Variants in SGCZ observed in about 807,000 individuals in gnomAD.
The protein encoded by SGCZ is sarcoglycan zeta.
SGCZ carries 40 observed loss-of-function variants against 41.3 expected under a neutral mutation model. The observed-to-expected ratio is 0.97, with a 90% confidence interval of 0.75 to 1.26. The LOEUF is 1.26. SGCZ is among the 50% of genes most tolerant of loss of function. The pLI, the probability that SGCZ is intolerant of heterozygous loss-of-function variation, is 0.00. For missense variants in SGCZ, 552 were observed against 369.8 expected (o/e 1.49, Z -4.04); for synonymous variants, 206 against 137.5 (o/e 1.50, Z -3.49).
At chr8:14,658,369 G>GT (rs1004654555) in intron 1 of SGCZ, among the ~76,000 whole-genome samples, 5 of 152,132 alleles carry the variant, frequency 3.3e-5, no homozygotes, top group Admixed American at 2.6e-4. Flanking sequence ...CCCTTTCATA[G>GT]TTTTTTCAGC....
intron 1 of SGCZ, among the ~76,000 whole-genome samples, chr8:14,996,149 C>T (rs1802210157): frequency 6.6e-6 from 1 of 152,126 alleles, no homozygotes; most frequent in Non-Finnish European, 1.5e-5. Context: ...GTGATCTGCC[C>T]ACCTCAACCT....
At chr8:14,569,705 G>A (rs1804492369) in intron 1 of SGCZ, among the ~76,000 whole-genome samples, 1 of 152,158 alleles carries the variant, frequency 6.6e-6, no homozygotes, top group Admixed American at 6.5e-5. Context: ...AAAAATAAGT[G>A]TTATAATTTA....
At chr8:14,674,928 G>GTTTTTTTTT (rs201881681) in intron 1 of SGCZ, among the ~76,000 whole-genome samples, 5 of 71,010 alleles carry the variant, frequency 7.0e-5, no homozygotes, top group Admixed American at 4.1e-4. Flanking sequence ...TTTCTTTTCT[G>GTTTTTTTTT]TTTTTTTTTT....
intron 1 of SGCZ, among the ~76,000 whole-genome samples, chr8:15,007,587 G>C (rs116959584): frequency 0.014 from 2,064 of 152,292 alleles, 16 homozygotes; most frequent in Non-Finnish European, 0.022. Flanking sequence ...CCGTAAAATG[G>C]AGATTCATGT....
intron 1 of SGCZ, among the ~76,000 whole-genome samples, chr8:14,892,862 T>C (rs991177152): frequency 4.6e-5 from 7 of 152,170 alleles, no homozygotes; most frequent in African/African-American, 1.7e-4. Flanking sequence ...CATCCAAATC[T>C]ATCATTCTAT....
Position 14,886,036 on chromosome 8 carries a change from A to AT in SGCZ, c.40-331111_40-331110insA, listed in dbSNP as rs1563339267. Among the ~76,000 whole-genome samples, 6 of 75,306 alleles carry AT rather than the reference A, an allele frequency of 8.0e-5. No individual in the cohort carries two copies. In the East Asian group the frequency reaches 1.8e-3, roughly 23 times the overall value. 49.4% of individuals were successfully genotyped at this position (75,306 alleles called of 152,430 possible). ...ATATATATATATATATATATATATA[A>AT]AATTGTATACTTAGCTTTTTCACTT... On this transcript the variant is annotated intron_variant, in intron 1 of 7. Coordinates refer to ENST00000382080, the MANE Select transcript of SGCZ (RefSeq NM_139167.4).
chr8:14,529,183 C>T (rs1193001129), intron 2 of SGCZ, among the ~76,000 whole-genome samples: 2 of 152,108 alleles, frequency 1.3e-5, no homozygotes, highest in East Asian at 1.9e-4. Flanking sequence ...GTCATAAGTA[C>T]TTGCATGATT....
intron 1 of SGCZ, among the ~76,000 whole-genome samples, chr8:14,581,561 G>A (rs558198612): frequency 1.4e-3 from 220 of 151,994 alleles, no homozygotes; most frequent in African/African-American, 5.1e-3. Context: ...TAAACACCTG[G>A]GAATGGCATA....
intron 1 of SGCZ, among the ~76,000 whole-genome samples, chr8:14,971,264 TG>T (rs1490990284): frequency 1.3e-5 from 2 of 152,202 alleles, no homozygotes; most frequent in East Asian, 3.9e-4. Context: ...TATTTCATTT[TG>T]TTTTTTTGCC....
chr8:14,515,094 C>G (rs949307097), intron 2 of SGCZ, among the ~76,000 whole-genome samples: 1 of 151,990 alleles, frequency 6.6e-6, no homozygotes, highest in Admixed American at 6.6e-5. Context: ...GGCCTTTCCT[C>G]ATCCCTCCTT....
At chr8:14,516,303 C>T (rs572174086) in intron 2 of SGCZ, among the ~76,000 whole-genome samples, 1 of 152,028 alleles carries the variant, frequency 6.6e-6, no homozygotes, top group South Asian at 2.1e-4. Flanking sequence ...TCCTCCCACC[C>T]TCCACCCTCA....
At chr8:14,843,280 TAA>T (rs916190574) in intron 1 of SGCZ, among the ~76,000 whole-genome samples, 1 of 152,106 alleles carries the variant, frequency 6.6e-6, no homozygotes, top group African/African-American at 2.4e-5. Flanking sequence ...GACAGGAAGT[TAA>T]GTCTTTTTTT....
At chr8:14,322,035 T>C (rs1304570204) in intron 3 of SGCZ, among the ~76,000 whole-genome samples, 2 of 152,162 alleles carry the variant, frequency 1.3e-5, no homozygotes, top group African/African-American at 4.8e-5. Flanking sequence ...GAGGTGCTTA[T>C]AAAATACATT....
chr8:14,784,311 C>T (rs1800683305), intron 1 of SGCZ, among the ~76,000 whole-genome samples: 1 of 151,938 alleles, frequency 6.6e-6, no homozygotes, highest in South Asian at 2.1e-4. Flanking sequence ...TTTGGCCTCC[C>T]AAATTTCTGG....
At chr8:15,163,205 C>T (rs2117045436) in intron 1 of SGCZ, among the ~76,000 whole-genome samples, 1 of 152,312 alleles carries the variant, frequency 6.6e-6, no homozygotes, top group African/African-American at 2.4e-5. Context: ...ACTTATATAA[C>T]ATTTATCATG....
At chr8:15,067,026 G>C (rs1805176493) in intron 1 of SGCZ, among the ~76,000 whole-genome samples, 1 of 152,184 alleles carries the variant, frequency 6.6e-6, no homozygotes, top group East Asian at 1.9e-4. Context: ...AAATAAACAT[G>C]AACTATATAT....
chr8:14,796,208 T>C (rs970288572), intron 1 of SGCZ, among the ~76,000 whole-genome samples: 3 of 152,346 alleles, frequency 2.0e-5, no homozygotes, highest in South Asian at 2.1e-4. Context: ...AATTGCTGGA[T>C]TGAATGTTAT....
chr8:14,449,665 G>C (rs766123190), intron 2 of SGCZ, among the ~76,000 whole-genome samples: 1 of 152,152 alleles, frequency 6.6e-6, no homozygotes, highest in South Asian at 2.1e-4. Flanking sequence ...GATAGACCCC[G>C]CTTGGCCTTT....
At position 14,087,660 on chromosome 8, in the gene SGCZ, C is replaced by T. The variant is rs1801560700; in HGVS notation, c.*2783G>A. ...TACATATTGTAACATAAAGATGGTACTGGGAAAACATAATCTGTTAGGGTA... is the reference window on the plus strand; with the variant it reads ...TACATATTGTAACATAAAGATGGTATTGGGAAAACATAATCTGTTAGGGTA... On this transcript the variant is annotated 3_prime_UTR_variant, in exon 8 of 8. Coordinates refer to ENST00000382080, the MANE Select transcript of SGCZ (RefSeq NM_139167.4). Among the ~76,000 whole-genome samples, 1 of 150,924 alleles carries T rather than the reference C, an allele frequency of 6.6e-6. No individual in the cohort carries two copies. Among genetic ancestry groups the T allele is most frequent in the Admixed American group, 6.6e-5 (1 of 15,118 alleles).
Sources: allele counts gnomAD v4.1 joint callset (sites outside exome capture counted in the v4.1 genomes callset), GRCh38; gene constraint gnomAD v4.1.1; transcripts MANE v1.5; gene names NCBI Gene and HGNC (gene_info 2026-07-23, HGNC 2026-07-21).